Variants in SNX30 observed in about 807,000 individuals in gnomAD.
SNX30 encodes the protein sorting nexin family member 30.
SNX30 carries 24 observed loss-of-function variants against 46.4 expected under a neutral mutation model. That is an observed-to-expected ratio of 0.52 (90% CI 0.37 to 0.73). The LOEUF (loss-of-function observed/expected upper bound fraction) is 0.73. SNX30 is among the 30% of genes least tolerant of loss of function. SNX30 has a pLI of 0.00. For synonymous variants in SNX30, 189 were observed against 211.5 expected, an observed-to-expected ratio of 0.89 and a Z score of 0.92; for missense variants, 533 against 555.7, an observed-to-expected ratio of 0.96 and a Z score of 0.41.
intron 1 of SNX30, among the ~76,000 whole-genome samples, chr9:112,776,795 A>G (rs1839755288): frequency 1.3e-5 from 2 of 152,162 alleles, no homozygotes; most frequent in South Asian, 4.2e-4. Context: ...TCCTTTCAGG[A>G]TGTGTGGCTG....
chr9:112,879,838 G>A, downstream of SNX30: 1 of 1,609,198 alleles, frequency 6.2e-7, no homozygotes, highest in South Asian at 1.1e-5. Context: ...ATTGACCATA[G>A]AGAGTTACAA....
rs147392122 is a variant in SNX30, at chr9:112,766,747, A to C, written c.156+15590A>C. 6.6e-3 allele frequency among the ~76,000 whole-genome samples: 1,012 copies of C among 152,336 alleles called. 5 individuals are homozygous for C. Among genetic ancestry groups the C allele is most frequent in the Admixed American group, 0.01 (160 of 15,292 alleles). ...TGGTGACTGGCTTATTTCACTTAGC[A>C]TAACATCCTTAAGGCTCATCCATGC... On this transcript the variant is annotated intron_variant, in intron 1 of 8. Coordinates refer to ENST00000374232, the MANE Select transcript of SNX30 (RefSeq NM_001012994.2).
chr9:112,792,554 A>G (rs1157279522), intron 1 of SNX30, among the ~76,000 whole-genome samples: 5 of 152,122 alleles, frequency 3.3e-5, no homozygotes, highest in Non-Finnish European at 7.4e-5. Flanking sequence ...CCTCCTGAGT[A>G]GCTGTGACTA....
intron 6 of SNX30, among the ~76,000 whole-genome samples, chr9:112,846,401 A>G (rs1002193837): frequency 2.0e-5 from 3 of 152,196 alleles, no homozygotes; most frequent in African/African-American, 7.2e-5. Flanking sequence ...TTGCCCCAGG[A>G]CATCTAACTC....
chr9:112,779,129 G>A (rs1198479267), intron 1 of SNX30, among the ~76,000 whole-genome samples: 4 of 152,244 alleles, frequency 2.6e-5, no homozygotes, highest in African/African-American at 4.8e-5. Flanking sequence ...GTGAGGTGGC[G>A]AAAGTGTGTT....
intron 3 of SNX30, among the ~76,000 whole-genome samples, chr9:112,828,365 C>T (rs980481068): frequency 3.3e-5 from 5 of 152,186 alleles, no homozygotes; most frequent in Admixed American, 6.5e-5. Flanking sequence ...ATAGCCTATA[C>T]CGTATCGCCT....
rs778106189 is a variant in SNX30, at chr9:112,754,787, G to A, written c.156+3630G>A. 4.6e-5 allele frequency among the ~76,000 whole-genome samples: 7 copies of A among 152,040 alleles called. No individual in the cohort carries two copies. In the South Asian group the frequency reaches 8.3e-4, roughly 18 times the overall value. ...AACTTTCATCTGTAAATTGCTCCAG[G>A]CTGCTTCTCCTCTGACTCAGCCTCT... is the stretch of plus-strand genomic sequence containing the variant. On this transcript the variant is annotated intron_variant, in intron 1 of 8. Transcript: ENST00000374232.
intron 5 of SNX30, 30 bp downstream of exon 5, chr9:112,836,439 C>A (rs1389844115): frequency 1.9e-6 from 3 of 1,564,088 alleles, no homozygotes; most frequent in Admixed American, 1.7e-5. Flanking sequence ...CTCGATTATG[C>A]CCTGCAGCCA....
At chr9:112,763,633 G>A (rs891577558) in intron 1 of SNX30, among the ~76,000 whole-genome samples, 20 of 151,746 alleles carry the variant, frequency 1.3e-4, no homozygotes, top group African/African-American at 3.4e-4. Flanking sequence ...GGTGGATCAC[G>A]AGGTCAGGAG....
At position 112,781,065 on chromosome 9, in the gene SNX30, G is replaced by A. The variant is rs138402999; in HGVS notation, c.157-23711G>A. On this transcript the variant is annotated intron_variant, in intron 1 of 8. Transcript: ENST00000374232. ...TTCCCTTGCTCTTTTGGCACTGAAT[G>A]GAGCTTTGAAAAAGCCATTTTATTT... Among the ~76,000 whole-genome samples, 47 of 152,288 alleles carry A rather than the reference G, an allele frequency of 3.1e-4. No individual in the cohort carries two copies. The East Asian group carries it at 7.9e-3, about 26-fold the overall frequency.
intron 7 of SNX30, among the ~76,000 whole-genome samples, chr9:112,861,549 A>C (rs1382107483): frequency 2.6e-5 from 4 of 152,144 alleles, no homozygotes; most frequent in Non-Finnish European, 5.9e-5. Flanking sequence ...CTGCAGCTGG[A>C]GGAAGTGTGG....
Position 112,750,883 on chromosome 9 carries a change from CG to C in SNX30, c.-117del, listed in dbSNP as rs1554746119. 1 of 961,236 alleles carries C rather than the reference CG, an allele frequency of 1.0e-6. No individual in the cohort carries two copies. The highest frequency in any genetic ancestry group is 1.3e-6 in the Non-Finnish European group (1 of 784,890). 59.5% of individuals were successfully genotyped at this position (961,236 alleles called of 1,614,324 possible). A position where few individuals can be genotyped will look rare whatever the true frequency, so the allele number is the denominator to read the frequency against. ...GGGTGGCGGCGGCCCCCAGCACGGC[CG>C]GTGCAAGGCCTCGGGTTAAGCGGCG... On this transcript the variant is annotated 5_prime_UTR_variant, in exon 1 of 9. Coordinates refer to ENST00000374232, the MANE Select transcript of SNX30 (RefSeq NM_001012994.2).
At chr9:112,850,517 G>A (rs9299211) in intron 6 of SNX30, among the ~76,000 whole-genome samples, 122,717 of 152,278 alleles carry the variant, frequency 0.81, 49,587 homozygotes, top group South Asian at 0.87. Flanking sequence ...GCACAGCCGG[G>A]CTCTGGCTGC....
chr9:112,776,309 A>G (rs1839746959), intron 1 of SNX30, among the ~76,000 whole-genome samples: 1 of 151,686 alleles, frequency 6.6e-6, no homozygotes, highest in Non-Finnish European at 1.5e-5. Flanking sequence ...CCTTGGTTTG[A>G]TGTTCTATAT....
chr9:112,868,795 G>A lies in SNX30; in HGVS notation c.1266G>A (p.Ala422=), dbSNP rs572075694. ...NIQYYEKCLM[A]WESIIPLLQE... is the part of the protein sequence containing the mutation. ...TGTTGTCGTTCCAGTGCCTCATGGC[G>A]TGGGAGTCGATTATTCCACTACTGC... is the stretch of plus-strand genomic sequence containing the variant. Residue 422 remains alanine, a synonymous_variant, in exon 9 of 9, where the codon GCG becomes GCA. Coordinates refer to ENST00000374232, the MANE Select transcript of SNX30 (RefSeq NM_001012994.2). 1.1e-4 allele frequency: 179 copies of A among 1,614,096 alleles called. 1 individual carries two copies. In the South Asian group the frequency reaches 1.4e-3, roughly 13 times the overall value.
intron 1 of SNX30, among the ~76,000 whole-genome samples, chr9:112,771,483 TGC>T (rs1333026959): frequency 6.6e-6 from 1 of 152,308 alleles, no homozygotes; most frequent in East Asian, 1.9e-4. Context: ...TAGTCTGTCT[TGC>T]GTGTGTGTGA....
intron 8 of SNX30, among the ~76,000 whole-genome samples, chr9:112,868,404 G>A (rs1322174699): frequency 6.6e-6 from 1 of 152,142 alleles, no homozygotes; most frequent in Admixed American, 6.6e-5. Flanking sequence ...CCCACACCTG[G>A]AGCAGTGTCT....
At chr9:112,880,250 G>GA (rs1267202370) in exon 5 of SNX30, 1 of 152,036 alleles carries the variant, frequency 6.6e-6, no homozygotes, top group Non-Finnish European at 1.5e-5. Context: ...AGAATCACTT[G>GA]AACCTGGGAG....
Position 112,850,910 on chromosome 9 carries a change from G to A in SNX30, c.1066G>A (p.Glu356Lys), listed in dbSNP as rs1490685927. 3 of 1,613,934 alleles carry A rather than the reference G, an allele frequency of 1.9e-6. No individual in the cohort carries two copies. Among genetic ancestry groups the A allele is most frequent in the Non-Finnish European group, 2.5e-6 (3 of 1,180,008 alleles). ...TCAAGCAGAGTATGAAGCCAAACTGGAAGCTGTGGCTCTGCGGAAGGAAGA... is the reference window on the plus strand; with the variant it reads ...TCAAGCAGAGTATGAAGCCAAACTGAAAGCTGTGGCTCTGCGGAAGGAAGA... ...QVQAEYEAKL[E>K]AVALRKEDRP... The change falls in exon 7 of 9, where the codon GAA becomes AAA. Residue 356 changes from glutamate (E) to lysine (K), a missense_variant. Transcript: ENST00000374232.
Sources: gnomAD v4.1 joint callset for allele counts (sites outside exome capture counted in the v4.1 genomes callset) on GRCh38, gnomAD v4.1.1 for gene constraint, MANE v1.5 for transcripts, NCBI Gene and HGNC (gene_info 2026-07-23, HGNC 2026-07-21) for gene names.